The following ASTN2 variants were observed in gnomAD, a reference collection of about 807,000 sequenced individuals.
ASTN2 encodes the protein astrotactin-2.
In ASTN2, 54 loss-of-function variants were observed where a neutral mutation model predicts 139.8. The observed-to-expected ratio is 0.39, with a 90% CI of 0.31 to 0.48. The LOEUF (loss-of-function observed/expected upper bound fraction) is 0.48. Among genes scored for constraint, ASTN2 ranks in the 20% least tolerant of loss-of-function variants. The pLI, the probability that ASTN2 is intolerant of heterozygous loss-of-function variation, is 0.95. For synonymous variants in ASTN2, 756 were observed against 719.5 expected, an observed-to-expected ratio of 1.05 and a Z score of -0.81; for missense variants, 1,565 against 1,725.1, an observed-to-expected ratio of 0.91 and a Z score of 1.64.
At chr9:116,612,165 G>C (rs1051190901) in intron 19 of ASTN2, 1 of 152,096 alleles carries the variant, frequency 6.6e-6, no homozygotes, top group African/African-American at 2.4e-5. Context: ...TACCTTCTTC[G>C]AGCTAACTAT....
intron 5 of ASTN2, among the ~76,000 whole-genome samples, chr9:117,064,919 T>C (rs1233064902): frequency 2.6e-5 from 4 of 152,048 alleles, no homozygotes; most frequent in East Asian, 1.9e-4. Context: ...ATTGTGGCTA[T>C]TACAAGACAT....
rs550455606 is a variant in ASTN2, at chr9:117,410,326, T to C, written c.442+4171A>G. On this transcript the variant is annotated intron_variant, in intron 1 of 22. Coordinates refer to ENST00000313400, the MANE Select transcript of ASTN2 (RefSeq NM_001365068.1). ...AGTGAGGACTGAATGACATACAGGT[T>C]CACCTTAGAAGCCCTGGGCTGGCAG... Among the ~76,000 whole-genome samples, 207 of 152,232 alleles carry C rather than the reference T, an allele frequency of 1.4e-3. 1 individual carries two copies. Among genetic ancestry groups the C allele is most frequent in the Non-Finnish European group, 2.5e-3 (172 of 68,010 alleles).
chr9:117,357,397 CA>C (rs1398737170), intron 1 of ASTN2, among the ~76,000 whole-genome samples: 1 of 152,080 alleles, frequency 6.6e-6, no homozygotes, highest in African/African-American at 2.4e-5. Context: ...TTGAGATTAT[CA>C]CCGTGGCCAC....
chr9:116,905,201 G>C (rs202007481), intron 10 of ASTN2, among the ~76,000 whole-genome samples: 1 of 152,144 alleles, frequency 6.6e-6, no homozygotes, highest in Admixed American at 6.5e-5. Flanking sequence ...GTACAGAAGA[G>C]CGTGTGCTCC....
intron 20 of ASTN2, 28 bp downstream of exon 20, chr9:116,487,331 T>A (rs749231349): frequency 1.5e-5 from 24 of 1,610,552 alleles, no homozygotes; most frequent in Non-Finnish European, 2.0e-5. Flanking sequence ...GTCTGCCTCA[T>A]GATCCCCACA....
chr9:116,806,537 A>G (rs1831034471), intron 12 of ASTN2, among the ~76,000 whole-genome samples: 1 of 152,198 alleles, frequency 6.6e-6, no homozygotes, highest in South Asian at 2.1e-4. Flanking sequence ...AGAAACTGGA[A>G]TTCTATGAGT....
At chr9:116,938,044 C>G (rs931755563) in intron 10 of ASTN2, among the ~76,000 whole-genome samples, 1 of 152,140 alleles carries the variant, frequency 6.6e-6, no homozygotes, top group Non-Finnish European at 1.5e-5. Context: ...GAAACAAGCA[C>G]GCGAGGTTTA....
chr9:116,504,903 A>AAAC (rs1210749182), intron 19 of ASTN2, among the ~76,000 whole-genome samples: 2 of 149,890 alleles, frequency 1.3e-5, no homozygotes, highest in African/African-American at 2.5e-5. Context: ...CTCAAAAAAA[A>AAAC]AAAAAAAAAA....
At chr9:116,590,931 C>A (rs1357023723) in intron 19 of ASTN2, among the ~76,000 whole-genome samples, 3 of 152,190 alleles carry the variant, frequency 2.0e-5, no homozygotes, top group Non-Finnish European at 2.9e-5. Flanking sequence ...CAGAAAGGAG[C>A]TACCCACTTC....
intron 4 of ASTN2, among the ~76,000 whole-genome samples, chr9:117,109,738 A>G (rs1829203155): frequency 6.6e-6 from 1 of 152,150 alleles, no homozygotes. Context: ...TATTGTTCCA[A>G]AAGCAATTTT....
intron 2 of ASTN2, among the ~76,000 whole-genome samples, chr9:117,258,559 T>C (rs963833618): frequency 3.3e-5 from 5 of 152,150 alleles, no homozygotes; most frequent in African/African-American, 1.2e-4. Flanking sequence ...TCCATCACTT[T>C]CTATTCACAT....
chr9:117,190,086 G>A (rs1459661656), intron 3 of ASTN2, among the ~76,000 whole-genome samples: 1 of 152,130 alleles, frequency 6.6e-6, no homozygotes, highest in African/African-American at 2.4e-5. Context: ...TTTAGGTTAA[G>A]GAACTTAATC....
intron 6 of ASTN2, among the ~76,000 whole-genome samples, chr9:117,039,466 A>T (rs1316082075): frequency 6.6e-6 from 1 of 152,080 alleles, no homozygotes; most frequent in African/African-American, 2.4e-5. Context: ...CATTAGCACA[A>T]ATACCTGAAG....
At chr9:116,789,346 T>C (rs962281836) in intron 13 of ASTN2, among the ~76,000 whole-genome samples, 1 of 152,244 alleles carries the variant, frequency 6.6e-6, no homozygotes, top group African/African-American at 2.4e-5. Context: ...GCTACTCAAA[T>C]GCCTGTAGCT....
At chr9:116,491,384 T>C (rs1238963776) in intron 19 of ASTN2, among the ~76,000 whole-genome samples, 1 of 152,192 alleles carries the variant, frequency 6.6e-6, no homozygotes, top group Non-Finnish European at 1.5e-5. Flanking sequence ...TCCAAAGACA[T>C]ACCTTTTCTT....
intron 19 of ASTN2, among the ~76,000 whole-genome samples, chr9:116,516,634 T>G (rs184154669): frequency 6.5e-4 from 99 of 152,302 alleles, no homozygotes; most frequent in African/African-American, 2.2e-3. Flanking sequence ...TTGAAGGAAC[T>G]AGATCACTGC....
intron 3 of ASTN2, among the ~76,000 whole-genome samples, chr9:117,209,691 A>G (rs1033576907): frequency 1.3e-5 from 2 of 152,128 alleles, no homozygotes; most frequent in African/African-American, 2.4e-5. Flanking sequence ...AAACTTCACT[A>G]TAGACCAAAT....
chr9:116,451,585 C>CAG (rs1848176762), intron 20 of ASTN2, among the ~76,000 whole-genome samples: 1 of 152,114 alleles, frequency 6.6e-6, no homozygotes, highest in East Asian at 1.9e-4. Context: ...ATGTTTGTTT[C>CAG]AGGTGTGTCT....
intron 20 of ASTN2, among the ~76,000 whole-genome samples, chr9:116,477,369 T>G (rs1849015402): frequency 6.6e-6 from 1 of 151,926 alleles, no homozygotes; most frequent in Non-Finnish European, 1.5e-5. Flanking sequence ...GCTGCCGTAC[T>G]TGCCCCCATC....
Sources: allele counts gnomAD v4.1 joint callset (sites outside exome capture counted in the v4.1 genomes callset), GRCh38; gene constraint gnomAD v4.1.1; transcripts MANE v1.5; gene names NCBI Gene and HGNC (gene_info 2026-07-23, HGNC 2026-07-21).